Variants in FSIP2 observed in about 807,000 individuals in gnomAD.
FSIP2 encodes the protein fibrous sheath interacting protein 2.
FSIP2 carries 367 observed loss-of-function variants against 510.5 expected under a neutral mutation model. The ratio of observed to expected loss-of-function variants is 0.72; its 90% CI spans 0.66 to 0.78. The LOEUF (loss-of-function observed/expected upper bound fraction) is 0.78, where lower values mean the gene tolerates loss of function less well. FSIP2 is among the 30% of genes least tolerant of loss of function. FSIP2 has a pLI of 0.00. For synonymous variants in FSIP2, 2,601 were observed against 2,732.2 expected (o/e 0.95, Z 1.50); for missense variants, 7,594 against 7,901.7 (o/e 0.96, Z 1.48).
In FSIP2 at chr2:185,792,790, A is replaced by G; in HGVS notation, c.5654A>G (p.Tyr1885Cys). The G allele has an allele frequency of 6.5e-7, 1 of 1,534,322 alleles. No individual in the cohort carries two copies. Among genetic ancestry groups the G allele is most frequent in the Non-Finnish European group, 8.7e-7 (1 of 1,145,610 alleles). Residue 1885 changes from tyrosine to cysteine, a missense_variant, in exon 16 of 23, where the codon TAT becomes TGT. Tyr to Cys is a radical substitution (Grantham distance 194, BLOSUM62 -2). Transcript: ENST00000424728. ...AATGTTTCTTCTCATGAACACACCTATAAAGGAAAGTCCTCTGTCACGGCT... is the reference window on the plus strand; with the variant it reads ...AATGTTTCTTCTCATGAACACACCTGTAAAGGAAAGTCCTCTGTCACGGCT... ...SANVSSHEHT[Y>C]KGKSSVTALD...
chr2:185,806,576 TAA>T lies in FSIP2; in HGVS notation c.17271_17272del (p.Glu5759GlyfsTer3). ...GAGGAAGAGAGAGAAAAAGAGAAAG[TAA>T]GAGAGGAGATTAAAAGTGAACCCAG... On this transcript the variant is annotated frameshift_variant, in exon 17 of 23. Transcript: ENST00000424728. LOFTEE classifies it high-confidence loss of function. 1.2e-6 allele frequency: 2 copies of T among 1,606,508 alleles called. No individual in the cohort carries two copies. Among genetic ancestry groups the T allele is most frequent in the Middle Eastern group, 1.7e-4 (1 of 6,004 alleles).
rs1691870097 is a variant in FSIP2 at position 185,739,227 on chromosome 2, G to GC, written c.100-115dup. The GC allele has an allele frequency of 6.6e-6, 8 of 1,206,804 alleles. No individual in the cohort carries two copies. The South Asian group carries it at 1.3e-4, about 19-fold the overall frequency. The allele number at this position is 1,206,804 out of a possible 1,614,324, so 74.8% of individuals were successfully genotyped here. A position where few individuals can be genotyped will look rare whatever the true frequency, so the allele number is the denominator to read the frequency against. ...AGGGAAAACGGGAGGACTTCAGGATGCCCCGAACCCTGATTGTATAATTCT... is the reference window on the plus strand; with the variant it reads ...AGGGAAAACGGGAGGACTTCAGGATGCCCCCGAACCCTGATTGTATAATTCT... On this transcript the variant is annotated intron_variant, in intron 1 of 22. Transcript: ENST00000424728.
chr2:185,789,800 A>C lies in FSIP2; in HGVS notation c.2664A>C (p.Val888=). The C allele has an allele frequency of 1.3e-6, 2 of 1,533,786 alleles. No individual in the cohort carries two copies. Among genetic ancestry groups the C allele is most frequent in the Non-Finnish European group, 1.7e-6 (2 of 1,145,262 alleles). Reference sequence around the variant, plus strand: ...CTAGTTTAATTGTCAATGAAGAAGTACAAAATTTAATATCAAATATTTTTT... The same window carrying C: ...CTAGTTTAATTGTCAATGAAGAAGTCCAAAATTTAATATCAAATATTTTTT... ...DEASLIVNEE[V]QNLISNIFSQ... is the part of the protein sequence containing the mutation. The change falls in exon 16 of 23, where the codon GTA becomes GTC. Residue 888 remains valine, a synonymous_variant. Coordinates refer to ENST00000424728, the MANE Select transcript of FSIP2 (RefSeq NM_173651.4).
In FSIP2 at chr2:185,802,501, G is replaced by C; in HGVS notation, c.13195G>C (p.Gly4399Arg). ...TGTTGATAAAGAGTCTGAAGACAGT[G>C]GCATTTTTGTGGAAAATATTACCAA... ...LAVDKESEDS[G>R]IFVENITNLI... The change falls in exon 17 of 23, where the codon GGC becomes CGC. Residue 4399 changes from glycine (G) to arginine (R), a missense_variant. Gly to Arg is a moderately radical substitution (Grantham distance 125, BLOSUM62 -2). Coordinates refer to ENST00000424728, the MANE Select transcript of FSIP2 (RefSeq NM_173651.4). 1 of 1,532,448 alleles carries C rather than the reference G, an allele frequency of 6.5e-7. No individual in the cohort carries two copies. The highest frequency in any genetic ancestry group is 8.7e-7 in the Non-Finnish European group (1 of 1,144,946). 94.9% of individuals were successfully genotyped at this position (1,532,448 alleles called of 1,614,324 possible).
In FSIP2 at chr2:185,807,214, G is replaced by A; in HGVS notation, c.17908G>A (p.Val5970Ile). The A allele has an allele frequency of 6.2e-7, 1 of 1,606,010 alleles. No homozygotes were observed. The highest frequency in any genetic ancestry group is 8.5e-7 in the Non-Finnish European group (1 of 1,177,414). ...RQVNLIFCDEVSVSACLPLES... is the reference protein window; with the variant it reads ...RQVNLIFCDEISVSACLPLES... ...GGTTAACTTGATATTTTGTGATGAG[G>A]TTTCAGTTTCAGCATGTTTGCCTCT... The change falls in exon 17 of 23, where the codon GTT (valine) becomes ATT (isoleucine). Residue 5970 changes from valine to isoleucine, a missense_variant. Val to Ile is a conservative substitution (Grantham distance 29). Transcript: ENST00000424728.
At position 185,779,300 on chromosome 2, in the gene FSIP2, G is replaced by GTT. The variant is rs139094717; in HGVS notation, c.1412-3396_1412-3395dup. 1.8e-3 allele frequency among the ~76,000 whole-genome samples: 271 copies of GTT among 148,392 alleles called. 1 individual carries two copies. Among genetic ancestry groups the GTT allele is most frequent in the African/African-American group, 4.8e-3 (196 of 40,696 alleles). On this transcript the variant is annotated intron_variant, in intron 13 of 22. Coordinates refer to ENST00000424728, the MANE Select transcript of FSIP2 (RefSeq NM_173651.4). ...GAGTGCTAAATTTAGTTTTTATCTAGTTTTTTTTTTACTGTTTTACAAATT... is the reference window on the plus strand; with the variant it reads ...GAGTGCTAAATTTAGTTTTTATCTAGTTTTTTTTTTTTACTGTTTTACAAATT...
At position 185,756,235 on chromosome 2, in the gene FSIP2, A is replaced by C. The variant is rs780672854; in HGVS notation, c.1035A>C (p.Leu345Phe). The change falls in exon 9 of 23, where the codon TTA becomes TTC. Residue 345 changes from leucine (L) to phenylalanine (F), a missense_variant. Transcript: ENST00000424728. ...NKKKTSEDIM[L>F]VYPAGDQNTY... The stretch of plus-strand genomic sequence containing the variant: ...AGAAGACTTCTGAAGATATAATGTT[A>C]GTTTATCCTGCTGGAGACCAGAATA... The C allele has an allele frequency of 1.1e-5, 15 of 1,352,482 alleles. No homozygotes were observed. Among genetic ancestry groups the C allele is most frequent in the Non-Finnish European group, 3.0e-6 (3 of 998,726 alleles). The allele number at this position is 1,352,482 out of a possible 1,614,324, so 83.8% of individuals were successfully genotyped here.
At position 185,761,061 on chromosome 2, in the gene FSIP2, T is replaced by A. The variant is rs1360040695; in HGVS notation, c.1152T>A (p.Val384=). The A allele has an allele frequency of 6.7e-7, 1 of 1,495,346 alleles. No individual in the cohort carries two copies. The highest frequency in any genetic ancestry group is 1.4e-5 in the African/African-American group (1 of 71,466). 92.6% of individuals were successfully genotyped at this position (1,495,346 alleles called of 1,614,324 possible). ...TTACGAAAAAAAACTCAGCTTCTGT[T>A]GTTTATCAGGCAGATGTACAGGATA... is the stretch of plus-strand genomic sequence containing the variant. ...NNFTKKNSAS[V]VYQADVQDNG... Residue 384 remains valine, a synonymous_variant, in exon 10 of 23, where the codon GTT becomes GTA. Coordinates refer to ENST00000424728, the MANE Select transcript of FSIP2 (RefSeq NM_173651.4).
Position 185,796,849 on chromosome 2 carries a change from G to C in FSIP2, c.9713G>C (p.Arg3238Thr). ...GAAACTATGCCATCGTGTTCTACTA[G>C]AAACAAAGTACAAGACCACAGACCA... ...DSETMPSCST[R>T]NKVQDHRPRE... The change falls in exon 16 of 23, where the codon AGA (arginine) becomes ACA (threonine). Residue 3238 changes from arginine to threonine, a missense_variant. Physicochemically the swap from Arg to Thr is moderately conservative, Grantham distance 71. Coordinates refer to ENST00000424728, the MANE Select transcript of FSIP2 (RefSeq NM_173651.4). 1 of 1,535,140 alleles carries C rather than the reference G, an allele frequency of 6.5e-7. No individual in the cohort carries two copies. The highest frequency in any genetic ancestry group is 1.7e-4 in the Middle Eastern group (1 of 5,984).
Position 185,813,738 on chromosome 2 carries a change from T to G in FSIP2, c.20021T>G (p.Phe6674Cys). Residue 6674 changes from phenylalanine (F) to cysteine (C), a missense_variant, in exon 18 of 23, where the codon TTT becomes TGT. Phe to Cys is a radical substitution (Grantham distance 205). Coordinates refer to ENST00000424728, the MANE Select transcript of FSIP2 (RefSeq NM_173651.4). ...DEDEVVLTQT[F>C]AKEEGIKVFE... ...GATGAAGTTGTTTTAACACAGACTT[T>G]TGCAAAAGAAGAAGGCATCAAAGTA... 6.2e-7 allele frequency: 1 copy of G among 1,612,474 alleles called. No individual in the cohort carries two copies.
intron 2 of FSIP2, 92 bp from the exon 3 acceptor site, chr2:185,743,041 A>G (rs1691954300): frequency 1.0e-6 from 1 of 975,166 alleles, no homozygotes; most frequent in Non-Finnish European, 1.4e-6. Context: ...CTTTTGGCAC[A>G]TTTTATTTTC....
In FSIP2 at chr2:185,808,686, T is replaced by A. The variant is rs201823738; in HGVS notation, c.19380T>A (p.Asp6460Glu). 1.2e-4 allele frequency: 191 copies of A among 1,610,322 alleles called. 1 individual carries two copies. The highest frequency in any genetic ancestry group is 1.6e-4 in the Non-Finnish European group (185 of 1,178,232). ...FPKKVASLIIDGVSSFPLDTI... is the reference protein window; with the variant it reads ...FPKKVASLIIEGVSSFPLDTI... ...AAAAAGTGGCTAGTTTAATTATTGA[T>A]GGAGTTTCAAGTTTTCCATTAGATA... The change falls in exon 17 of 23, where the codon GAT becomes GAA. Residue 6460 changes from aspartate to glutamate, a missense_variant. Coordinates refer to ENST00000424728, the MANE Select transcript of FSIP2 (RefSeq NM_173651.4).
intron 14 of FSIP2, among the ~76,000 whole-genome samples, chr2:185,785,833 G>A (rs1692960047): frequency 6.6e-6 from 1 of 151,866 alleles, no homozygotes; most frequent in Non-Finnish European, 1.5e-5. Flanking sequence ...GCATTTGAAC[G>A]AGTAAATAAA....
At chr2:185,797,771 C>T (rs1693325957) in intron 16 of FSIP2, 2 of 410,912 alleles carry the variant, frequency 4.9e-6, no homozygotes, top group African/African-American at 4.2e-5. Context: ...TTCCTGCAGC[C>T]TTGAACTCCT....
rs202032936 is a variant in FSIP2, at chr2:185,791,595, A to G, written c.4459A>G (p.Ile1487Val). The G allele has an allele frequency of 2.3e-3, 3,584 of 1,534,168 alleles. 12 individuals are homozygous for G. Among genetic ancestry groups the G allele is most frequent in the South Asian group, 3.3e-3 (278 of 84,026 alleles). Residue 1487 changes from isoleucine to valine, a missense_variant, in exon 16 of 23, where the codon ATT becomes GTT. Coordinates refer to ENST00000424728, the MANE Select transcript of FSIP2 (RefSeq NM_173651.4). ...TAATATTCAGTTAATTTCTAAAGCAATTTTGGATTATATCCTTGCAAAATT... is the reference window on the plus strand; with the variant it reads ...TAATATTCAGTTAATTTCTAAAGCAGTTTTGGATTATATCCTTGCAAAATT... The part of the protein sequence containing the change: ...QSNIQLISKA[I>V]LDYILAKLCG...
At chr2:185,750,751 A>G (rs1287056007) in intron 7 of FSIP2, among the ~76,000 whole-genome samples, 1 of 151,222 alleles carries the variant, frequency 6.6e-6, no homozygotes, top group African/African-American at 2.4e-5. Context: ...ACACTGGTCT[A>G]TCAAGAGTCC....
intron 9 of FSIP2, among the ~76,000 whole-genome samples, chr2:185,758,751 T>C (rs1361809426): frequency 1.3e-5 from 2 of 151,240 alleles, no homozygotes; most frequent in Non-Finnish European, 1.5e-5. Flanking sequence ...CTTTGGCAAC[T>C]TTGAAAATAT....
Position 185,807,183 on chromosome 2 carries a change from A to G in FSIP2, c.17877A>G (p.Gln5959=). The change falls in exon 17 of 23, where the codon CAA becomes CAG. Residue 5959 remains glutamine (Q), a synonymous_variant. Transcript: ENST00000424728. ...GTGCAGTGATAAATGAAATTTTCCA[A>G]CGTCAGGTTAACTTGATATTTTGTG... ...LTSAVINEIF[Q]RQVNLIFCDE... is the part of the protein sequence containing the mutation. 1.2e-6 allele frequency: 2 copies of G among 1,601,234 alleles called. No homozygotes were observed. The highest frequency in any genetic ancestry group is 8.5e-7 in the Non-Finnish European group (1 of 1,175,916).
chr2:185,778,728 A>T (rs1692779307), intron 13 of FSIP2, among the ~76,000 whole-genome samples: 1 of 151,942 alleles, frequency 6.6e-6, no homozygotes, highest in Non-Finnish European at 1.5e-5. Context: ...TTTGGGATGT[A>T]ATGTTCTAAA....
Sources: gnomAD v4.1 joint callset for allele counts (sites outside exome capture counted in the v4.1 genomes callset) on GRCh38, gnomAD v4.1.1 for gene constraint, MANE v1.5 for transcripts, NCBI Gene and HGNC (gene_info 2026-07-23, HGNC 2026-07-21) for gene names.